RIT2: variants seen among roughly 807,000 people sequenced by gnomAD.
RIT2 encodes GTP-binding protein Rit2.
RIT2 carries 24 observed loss-of-function variants against 23.7 expected under a neutral mutation model. The ratio of observed to expected loss-of-function variants is 1.01; its 90% CI spans 0.73 to 1.43. The LOEUF (loss-of-function observed/expected upper bound fraction) is 1.43. Among genes scored for constraint, RIT2 ranks in the 40% most tolerant of loss-of-function variants. The pLI is 0.00. For synonymous variants in RIT2, 107 were observed against 91.1 expected, an observed-to-expected ratio of 1.17 and a Z score of -0.99; for missense variants, 236 against 266.9, an observed-to-expected ratio of 0.88 and a Z score of 0.81.
At chr18:42,883,878 T>C (rs951459245) in intron 4 of RIT2, among the ~76,000 whole-genome samples, 6 of 152,172 alleles carry the variant, frequency 3.9e-5, no homozygotes, top group Non-Finnish European at 5.9e-5. Flanking sequence ...ATGGCAACCC[T>C]AAAATGATAT....
intron 3 of RIT2, among the ~76,000 whole-genome samples, chr18:42,938,451 G>A (rs1309825761): frequency 6.6e-6 from 1 of 152,142 alleles, no homozygotes; most frequent in African/African-American, 2.4e-5. Context: ...TTTAAGACAT[G>A]TGGTACATAC....
In RIT2 at chr18:42,883,115, G is replaced by GGT. The variant is rs144887838; in HGVS notation, c.426+40455_426+40456dup. Among the ~76,000 whole-genome samples the GGT allele has an allele frequency of 3.1e-4, 47 of 151,106 alleles. No homozygotes were observed. In the East Asian group the frequency reaches 4.8e-3, roughly 16 times the overall value. On this transcript the variant is annotated intron_variant, in intron 4 of 4. Coordinates refer to ENST00000326695, the MANE Select transcript of RIT2 (RefSeq NM_002930.4). ...TGCAAATAAAGAAATAAATGGAAGT[G>GGT]GTGTGTGTGTGTGTGCACGAGAGTG...
intron 4 of RIT2, among the ~76,000 whole-genome samples, chr18:42,871,689 T>C (rs1354818534): frequency 2.6e-5 from 4 of 151,942 alleles, no homozygotes; most frequent in Non-Finnish European, 5.9e-5. Context: ...GTAGATGTTC[T>C]GTATGTCTCA....
At chr18:43,058,755 G>A (rs1217464864) in intron 1 of RIT2, among the ~76,000 whole-genome samples, 1 of 152,016 alleles carries the variant, frequency 6.6e-6, no homozygotes, top group South Asian at 2.1e-4. Context: ...CAGGCATGGT[G>A]GTATACACCT....
intron 4 of RIT2, among the ~76,000 whole-genome samples, chr18:42,832,892 A>C (rs2144011536): frequency 6.6e-6 from 1 of 151,956 alleles, no homozygotes; most frequent in Non-Finnish European, 1.5e-5. Flanking sequence ...GTCTCTATTA[A>C]AAATACAAAA....
At chr18:42,772,611 G>A (rs1913577503) in intron 4 of RIT2, among the ~76,000 whole-genome samples, 1 of 152,196 alleles carries the variant, frequency 6.6e-6, no homozygotes, top group Non-Finnish European at 1.5e-5. Flanking sequence ...CAATTAGGAT[G>A]CTAGGTTCAC....
intron 1 of RIT2, among the ~76,000 whole-genome samples, chr18:43,104,429 T>C (rs1913760917): frequency 6.6e-6 from 1 of 152,206 alleles, no homozygotes; most frequent in Non-Finnish European, 1.5e-5. Flanking sequence ...AGGATTTTAA[T>C]GTTCACAGCA....
At chr18:42,999,024 T>A (rs72895268) in intron 2 of RIT2, among the ~76,000 whole-genome samples, 7,204 of 152,120 alleles carry the variant, frequency 0.047, 212 homozygotes, top group Middle Eastern at 0.14. Flanking sequence ...ACTACAGACG[T>A]GAAGGCTTTT....
chr18:42,758,347 A>G (rs2143895169), intron 4 of RIT2, among the ~76,000 whole-genome samples: 2 of 152,280 alleles, frequency 1.3e-5, no homozygotes, highest in African/African-American at 4.8e-5. Context: ...TGGTTTTGCA[A>G]AAGTACCATT....
At chr18:42,990,321 C>T (rs995156909) in intron 2 of RIT2, among the ~76,000 whole-genome samples, 46 of 152,030 alleles carry the variant, frequency 3.0e-4, no homozygotes, top group African/African-American at 1.1e-3. Flanking sequence ...TTAGGGAGGG[C>T]GATTTGCTTT....
chr18:42,932,811 T>C (rs1283696764), intron 3 of RIT2, among the ~76,000 whole-genome samples: 2 of 152,134 alleles, frequency 1.3e-5, no homozygotes, highest in South Asian at 2.1e-4. Flanking sequence ...TGCCGTGATC[T>C]GAATCCTGTG....
At chr18:42,867,569 T>G (rs372303867) in intron 4 of RIT2, among the ~76,000 whole-genome samples, 2 of 151,636 alleles carry the variant, frequency 1.3e-5, no homozygotes, top group South Asian at 4.2e-4. Context: ...GTGGATTGCT[T>G]GAGTCCAGGA....
chr18:43,100,203 T>C (rs1913649368), intron 1 of RIT2, among the ~76,000 whole-genome samples: 1 of 152,060 alleles, frequency 6.6e-6, no homozygotes, highest in Admixed American at 6.6e-5. Flanking sequence ...GGTCCATTGA[T>C]GCGACAATAG....
chr18:42,856,574 G>A (rs997481470), intron 4 of RIT2, among the ~76,000 whole-genome samples: 1 of 152,108 alleles, frequency 6.6e-6, no homozygotes, highest in South Asian at 2.1e-4. Flanking sequence ...AGGCCAAGGG[G>A]AACTATGACC....
intron 4 of RIT2, among the ~76,000 whole-genome samples, chr18:42,755,134 T>C (rs1401194937): frequency 6.6e-6 from 1 of 152,168 alleles, no homozygotes; most frequent in African/African-American, 2.4e-5. Context: ...AAATATGTTT[T>C]TGGTTTGTCT....
At chr18:42,869,786 G>A (rs1907574847) in intron 4 of RIT2, among the ~76,000 whole-genome samples, 1 of 152,184 alleles carries the variant, frequency 6.6e-6, no homozygotes, top group Admixed American at 6.5e-5. Flanking sequence ...ACAGAATCAT[G>A]TAAATAAGTT....
At chr18:42,895,311 A>G (rs1387809420) in intron 4 of RIT2, among the ~76,000 whole-genome samples, 1 of 152,224 alleles carries the variant, frequency 6.6e-6, no homozygotes, top group Non-Finnish European at 1.5e-5. Flanking sequence ...CAGATCAAAT[A>G]GAAAATGTTT....
intron 4 of RIT2, among the ~76,000 whole-genome samples, chr18:42,841,327 T>A (rs915787539): frequency 2.6e-5 from 4 of 152,178 alleles, no homozygotes; most frequent in Non-Finnish European, 5.9e-5. Context: ...TCCATAAAGG[T>A]TAAACTAAAT....
chr18:43,105,519 A>AGGG, intron 1 of RIT2, among the ~76,000 whole-genome samples: 1 of 151,644 alleles, frequency 6.6e-6, no homozygotes, highest in African/African-American at 2.4e-5. Flanking sequence ...GGAGGGAGGG[A>AGGG]ATGAGCAGTT....
Sources: gnomAD v4.1 joint callset for allele counts (sites outside exome capture counted in the v4.1 genomes callset) on GRCh38, gnomAD v4.1.1 for gene constraint, MANE v1.5 for transcripts, NCBI Gene and HGNC (gene_info 2026-07-23, HGNC 2026-07-21) for gene names.